The following DOCK4 variants were observed in gnomAD, a reference collection of about 807,000 sequenced individuals.
The protein encoded by DOCK4 is dedicator of cytokinesis 4, also known as dedicator of cytokinesis protein 4.
In DOCK4, 97 loss-of-function variants were observed where a neutral mutation model predicts 268.1. The ratio of observed to expected loss-of-function variants is 0.36; its 90% CI spans 0.31 to 0.43. The LOEUF (loss-of-function observed/expected upper bound fraction) is 0.43, where lower values mean the gene tolerates loss of function less well. DOCK4 is among the 20% of genes least tolerant of loss of function. The pLI is 1.00. For missense variants in DOCK4, 2,145 were observed against 2,455.7 expected (o/e 0.87, Z 2.67); for synonymous variants, 954 against 887.2 (o/e 1.08, Z -1.34).
intron 8 of DOCK4, among the ~76,000 whole-genome samples, chr7:111,955,066 T>C (rs890050232): frequency 6.6e-6 from 1 of 152,220 alleles, no homozygotes; most frequent in South Asian, 2.1e-4. Context: ...ATGATAGTCA[T>C]GTATACCAGA....
chr7:112,125,423 T>C (rs897947803), intron 1 of DOCK4, among the ~76,000 whole-genome samples: 1 of 152,242 alleles, frequency 6.6e-6, no homozygotes, highest in Non-Finnish European at 1.5e-5. Context: ...CAAAGCTCAA[T>C]TGTACTTCTT....
chr7:111,862,382 TA>T (rs1805608909), intron 23 of DOCK4, among the ~76,000 whole-genome samples: 1 of 145,692 alleles, frequency 6.9e-6, no homozygotes, highest in South Asian at 2.1e-4. Context: ...AATGTATGTA[TA>T]AAATATTTTA....
chr7:111,809,008 T>A, intron 29 of DOCK4, 129 bp from the exon 30 acceptor site: 6 of 1,014,666 alleles, frequency 5.9e-6, no homozygotes, highest in Non-Finnish European at 8.7e-6. Context: ...ACATTTAATA[T>A]ACATGTCACG....
chr7:111,794,060 G>A (rs935852550), intron 30 of DOCK4, among the ~76,000 whole-genome samples: 1 of 152,132 alleles, frequency 6.6e-6, no homozygotes, highest in Non-Finnish European at 1.5e-5. Flanking sequence ...GGAGAGTGTG[G>A]AAGATGGGCT....
intron 29 of DOCK4, 94 bp from the exon 30 acceptor site, chr7:111,808,973 C>A (rs1800873104): frequency 1.4e-6 from 2 of 1,400,860 alleles, no homozygotes; most frequent in Non-Finnish European, 2.0e-6. Flanking sequence ...TTCTGAATTA[C>A]AAGGCAAGGA....
chr7:112,148,921 C>T (rs1253408756), intron 1 of DOCK4, among the ~76,000 whole-genome samples: 1 of 152,176 alleles, frequency 6.6e-6, no homozygotes, highest in Non-Finnish European at 1.5e-5. Context: ...CGTTTTGTGG[C>T]TACGATAATG....
chr7:111,952,481 T>C (rs1398930797), intron 8 of DOCK4, among the ~76,000 whole-genome samples: 1 of 152,220 alleles, frequency 6.6e-6, no homozygotes, highest in Non-Finnish European at 1.5e-5. Flanking sequence ...ACATGAAATA[T>C]ATTTTTATAT....
intron 1 of DOCK4, among the ~76,000 whole-genome samples, chr7:112,148,637 A>G (rs940095932): frequency 2.0e-5 from 3 of 152,180 alleles, no homozygotes; most frequent in African/African-American, 7.2e-5. Flanking sequence ...AGGAAATGCT[A>G]AATTTCAGCT....
intron 20 of DOCK4, among the ~76,000 whole-genome samples, chr7:111,870,323 C>CTTTTTT (rs796444724): frequency 2.1e-4 from 28 of 131,324 alleles, no homozygotes; most frequent in African/African-American, 3.5e-4. Context: ...TTTTTCTTTT[C>CTTTTTT]TTTTTTTTTT....
At chr7:112,043,860 T>C (rs991148438) in intron 1 of DOCK4, among the ~76,000 whole-genome samples, 2 of 152,040 alleles carry the variant, frequency 1.3e-5, no homozygotes, top group African/African-American at 4.8e-5. Context: ...TGGAAGACTT[T>C]ATTATTTTGC....
chr7:112,118,581 C>G (rs7801601), intron 1 of DOCK4, among the ~76,000 whole-genome samples: 46,533 of 152,012 alleles, frequency 0.31, 7,158 homozygotes, highest in East Asian at 0.34. Flanking sequence ...CTGTACCTCA[C>G]CGTTGAGTGG....
intron 5 of DOCK4, among the ~76,000 whole-genome samples, chr7:111,990,898 T>C (rs890399236): frequency 6.6e-6 from 1 of 152,206 alleles, no homozygotes; most frequent in African/African-American, 2.4e-5. Flanking sequence ...TTTACACATG[T>C]TAATTTTTGT....
chr7:112,098,658 T>C (rs1810377851), intron 1 of DOCK4, among the ~76,000 whole-genome samples: 1 of 149,626 alleles, frequency 6.7e-6, no homozygotes, highest in African/African-American at 2.4e-5. Flanking sequence ...TGTAAAATTA[T>C]GTGTAATTTT....
chr7:112,116,372 C>G (rs1402280828), intron 1 of DOCK4, among the ~76,000 whole-genome samples: 1 of 152,084 alleles, frequency 6.6e-6, no homozygotes, highest in South Asian at 2.1e-4. Flanking sequence ...CAATAATATT[C>G]TATTGTATAG....
intron 23 of DOCK4, among the ~76,000 whole-genome samples, chr7:111,848,706 A>G (rs776894921): frequency 1.3e-5 from 2 of 152,156 alleles, no homozygotes; most frequent in South Asian, 4.1e-4. Context: ...GCTGGATAAA[A>G]AGGGAAAACA....
intron 25 of DOCK4, among the ~76,000 whole-genome samples, chr7:111,842,964 A>G (rs1051369354): frequency 6.6e-6 from 1 of 152,250 alleles, no homozygotes; most frequent in African/African-American, 2.4e-5. Flanking sequence ...GGTTTATGTA[A>G]GATCCAGAGC....
At chr7:111,865,666 G>A (rs991984500) in intron 22 of DOCK4, among the ~76,000 whole-genome samples, 1 of 152,204 alleles carries the variant, frequency 6.6e-6, no homozygotes, top group Non-Finnish European at 1.5e-5. Flanking sequence ...CTCATCAGTT[G>A]ACCTTAAAAT....
intron 26 of DOCK4, among the ~76,000 whole-genome samples, chr7:111,832,137 G>C (rs1802865410): frequency 6.6e-6 from 1 of 152,160 alleles, no homozygotes; most frequent in Non-Finnish European, 1.5e-5. Flanking sequence ...AGGTGGGGTA[G>C]AGAGTGTGCT....
At chr7:111,750,909 A>T (rs1178193191) in intron 42 of DOCK4, among the ~76,000 whole-genome samples, 2 of 152,098 alleles carry the variant, frequency 1.3e-5, no homozygotes, top group African/African-American at 2.4e-5. Flanking sequence ...ACCAAACAAA[A>T]ACCCCTCCAG....
Sources: allele counts gnomAD v4.1 joint callset (sites outside exome capture counted in the v4.1 genomes callset), GRCh38; gene constraint gnomAD v4.1.1; transcripts MANE v1.5; gene names NCBI Gene and HGNC (gene_info 2026-07-23, HGNC 2026-07-21).